The following MAP4K3 variants were observed in gnomAD, a reference collection of about 807,000 sequenced individuals.
MAP4K3 encodes the protein mitogen-activated protein kinase kinase kinase kinase 3.
In MAP4K3, 94 loss-of-function variants were observed where a neutral mutation model predicts 143.5. The observed-to-expected ratio is 0.65, with a 90% CI of 0.55 to 0.78. MAP4K3 has a LOEUF of 0.78. Among genes scored for constraint, MAP4K3 ranks in the 30% least tolerant of loss-of-function variants. The pLI is 0.00. For synonymous variants in MAP4K3, 416 were observed against 347.2 expected (o/e 1.20, Z -2.20); for missense variants, 1,077 against 1,068.1 (o/e 1.01, Z -0.12).
At chr2:39,307,827 G>T in intron 15 of MAP4K3, 116 bp downstream of exon 15, 1 of 693,114 alleles carries the variant, frequency 1.4e-6, no homozygotes, top group Non-Finnish European at 2.2e-6. Flanking sequence ...ATAGAAGTTT[G>T]CTAAATGATA....
chr2:39,401,699 G>A (rs1199428918), intron 1 of MAP4K3, among the ~76,000 whole-genome samples: 3 of 152,060 alleles, frequency 2.0e-5, no homozygotes, highest in East Asian at 1.9e-4. Flanking sequence ...TGCTTGGGGA[G>A]CTTAGGTGGG....
At chr2:39,436,741 G>A (rs1665496516) in intron 1 of MAP4K3, 151 bp downstream of exon 1, 2 of 643,552 alleles carry the variant, frequency 3.1e-6, no homozygotes, top group East Asian at 2.9e-5. Context: ...GTTCACCAAG[G>A]CAGCAGAGCC....
At chr2:39,436,849 T>C (rs1665502753) in intron 1 of MAP4K3, 43 bp downstream of exon 1, 2 of 1,548,204 alleles carry the variant, frequency 1.3e-6, no homozygotes, top group Non-Finnish European at 1.8e-6. Flanking sequence ...TGGCTGCGGG[T>C]CGGGATCCCA....
At chr2:39,383,586 G>A (rs2148586951) in intron 1 of MAP4K3, among the ~76,000 whole-genome samples, 1 of 152,094 alleles carries the variant, frequency 6.6e-6, no homozygotes, top group South Asian at 2.1e-4. Flanking sequence ...TTTACCCAGA[G>A]TACTCCTGGT....
chr2:39,358,794 C>T (rs183673479), intron 2 of MAP4K3, among the ~76,000 whole-genome samples: 1 of 152,108 alleles, frequency 6.6e-6, no homozygotes, highest in Non-Finnish European at 1.5e-5. Flanking sequence ...AAAGATAGGC[C>T]TCCTATCACG....
In MAP4K3 at chr2:39,309,368, T is replaced by G. The variant is rs551437875; in HGVS notation, c.1056+93A>C. 7.7e-5 allele frequency: 68 copies of G among 882,610 alleles called. 2 individuals carry two copies. The highest frequency in any genetic ancestry group is 6.6e-4 in the South Asian group (40 of 60,906). The allele number at this position is 882,610 out of a possible 1,614,324, so 54.7% of individuals were successfully genotyped here. A position where few individuals can be genotyped will look rare whatever the true frequency, so the allele number is the denominator to read the frequency against. On this transcript the variant is annotated intron_variant, in intron 14 of 33. Coordinates refer to ENST00000263881, the MANE Select transcript of MAP4K3 (RefSeq NM_003618.4). ...CCTCGAATGTTTTTGAAAATATTAA[T>G]GACTAGCTTTTTTGGTCAGTACTAA... is the stretch of plus-strand genomic sequence containing the variant.
In MAP4K3 at chr2:39,331,916, C is replaced by A. The variant is rs768109711; in HGVS notation, c.530+1G>T. The A allele has an allele frequency of 6.4e-7, 1 of 1,553,636 alleles. No homozygotes were observed. Among genetic ancestry groups the A allele is most frequent in the Non-Finnish European group, 8.8e-7 (1 of 1,136,950 alleles). On this transcript the variant is annotated splice_donor_variant, in intron 8 of 33. Coordinates refer to ENST00000263881, the MANE Select transcript of MAP4K3 (RefSeq NM_003618.4). LOFTEE classifies it high-confidence loss of function. ...TTAAATATCAATTAAAATACAATTA[C>A]CAATATGGTGTGCCAATGAAAGACT...
intron 20 of MAP4K3, 45 bp from the exon 21 acceptor site, chr2:39,287,009 A>T: frequency 8.1e-7 from 1 of 1,237,326 alleles, no homozygotes; most frequent in Non-Finnish European, 1.1e-6. Flanking sequence ...CTTCATGAAA[A>T]CTTTTATTCA....
chr2:39,424,713 C>A (rs780931762), intron 1 of MAP4K3, among the ~76,000 whole-genome samples: 8 of 151,242 alleles, frequency 5.3e-5, no homozygotes, highest in Non-Finnish European at 1.2e-4. Flanking sequence ...ACCTGTAGTC[C>A]CAGCTACCTT....
At chr2:39,315,577 T>A in intron 12 of MAP4K3, 189 bp from the exon 13 acceptor site, 1 of 529,146 alleles carries the variant, frequency 1.9e-6, no homozygotes, top group East Asian at 3.1e-5. Flanking sequence ...TGAAAAAATA[T>A]TTTTATTATC....
chr2:39,413,822 C>T (rs1667296862), intron 1 of MAP4K3, among the ~76,000 whole-genome samples: 1 of 151,814 alleles, frequency 6.6e-6, no homozygotes, highest in African/African-American at 2.4e-5. Context: ...TGAAGCTCTG[C>T]TTTGGATCAT....
chr2:39,435,161 T>C (rs1413519111), intron 1 of MAP4K3, among the ~76,000 whole-genome samples: 1 of 152,190 alleles, frequency 6.6e-6, no homozygotes, highest in African/African-American at 2.4e-5. Flanking sequence ...ACTTTCACAG[T>C]CATCACCATA....
At chr2:39,373,386 C>T (rs1426242898) in intron 2 of MAP4K3, among the ~76,000 whole-genome samples, 1 of 151,964 alleles carries the variant, frequency 6.6e-6, no homozygotes, top group African/African-American at 2.4e-5. Context: ...GGAGGTTCCT[C>T]GAAAAACTAA....
intron 6 of MAP4K3, among the ~76,000 whole-genome samples, chr2:39,336,376 G>A (rs894593231): frequency 1.3e-5 from 2 of 149,380 alleles, no homozygotes; most frequent in African/African-American, 4.9e-5. Flanking sequence ...GGGAGGCTGA[G>A]GCAGGGGAAT....
chr2:39,315,453 AT>A, intron 12 of MAP4K3, 65 bp from the exon 13 acceptor site: 1 of 1,071,394 alleles, frequency 9.3e-7, no homozygotes, highest in Non-Finnish European at 1.4e-6. Context: ...GGTCCACAAA[AT>A]TACCCAAATA....
At chr2:39,433,287 G>C (rs1157342809) in intron 1 of MAP4K3, among the ~76,000 whole-genome samples, 2 of 152,134 alleles carry the variant, frequency 1.3e-5, no homozygotes, top group African/African-American at 4.8e-5. Context: ...AAAACCATAA[G>C]ACTAGGTAAG....
At chr2:39,435,220 C>CAG (rs1665421184) in intron 1 of MAP4K3, among the ~76,000 whole-genome samples, 1 of 47,666 alleles carries the variant, frequency 2.1e-5, no homozygotes, top group African/African-American at 2.8e-5. Context: ...GGCCTCCCAA[C>CAG]TGCTCCATTC....
chr2:39,424,321 CA>C (rs985534285), intron 1 of MAP4K3, among the ~76,000 whole-genome samples: 6 of 151,962 alleles, frequency 3.9e-5, no homozygotes, highest in African/African-American at 1.2e-4. Context: ...TTTCCACCAA[CA>C]GGGGGGAGGG....
At chr2:39,382,380 C>T (rs892070711) in intron 1 of MAP4K3, among the ~76,000 whole-genome samples, 2 of 152,126 alleles carry the variant, frequency 1.3e-5, no homozygotes, top group Admixed American at 1.3e-4. Context: ...AGGGCATGTC[C>T]GATGTGAATA....
Sources: gnomAD v4.1 joint callset for allele counts (sites outside exome capture counted in the v4.1 genomes callset) on GRCh38, gnomAD v4.1.1 for gene constraint, MANE v1.5 for transcripts, NCBI Gene and HGNC (gene_info 2026-07-23, HGNC 2026-07-21) for gene names.